DRAM1: variants seen among roughly 807,000 people sequenced by gnomAD.
DRAM1 encodes DNA damage-regulated autophagy modulator protein 1.
DRAM1 carries 25 observed loss-of-function variants against 28.5 expected under a neutral mutation model. That is an observed-to-expected ratio of 0.88 (90% confidence interval 0.64 to 1.23). The LOEUF is 1.23. Ranked by LOEUF, DRAM1 falls within the 50% of genes most tolerant of loss-of-function variation. DRAM1 has a pLI of 0.00. For missense variants in DRAM1, 249 were observed against 299.2 expected (o/e 0.83, Z 1.24); for synonymous variants, 113 against 114.2 (o/e 0.99, Z 0.07).
chr12:101,915,546 C>CTT lies in DRAM1; in HGVS notation c.579+1326_579+1327dup, dbSNP rs58938266. On this transcript the variant is annotated intron_variant, in intron 5 of 6. Transcript: ENST00000258534. ...GGTGACCAGAGTAAGACTTTGAAGA[C>CTT]TTTTTTTTTTTTTGAGACGGAGTTT... Among the ~76,000 whole-genome samples, 955 of 144,888 alleles carry CTT rather than the reference C, an allele frequency of 6.6e-3. 9 individuals are homozygous for CTT. The highest frequency in any genetic ancestry group is 0.024 in the East Asian group (118 of 4,944).
intron 1 of DRAM1, among the ~76,000 whole-genome samples, chr12:101,881,352 T>G (rs1414544211): frequency 1.2e-5 from 1 of 82,114 alleles, no homozygotes; most frequent in African/African-American, 9.7e-5. Context: ...ATATTCAACC[T>G]TATCCCTTTT....
chr12:101,920,292 ACTTT>A (rs1874429802), intron 6 of DRAM1, 91 bp downstream of exon 6: 1 of 327,286 alleles, frequency 3.1e-6, no homozygotes, highest in Non-Finnish European at 4.3e-6. Flanking sequence ...TAAAAAGAGC[ACTTT>A]CTTTTTTTTT....
In DRAM1 at chr12:101,914,164, C is replaced by T. The variant is rs1218271962; in HGVS notation, c.521-10C>T. ...GTGCTGTAGTTTCCTTAACTGTTTACTTCTTTCAGTGATTGTCTGTGCTTC... is the reference window on the plus strand; with the variant it reads ...GTGCTGTAGTTTCCTTAACTGTTTATTTCTTTCAGTGATTGTCTGTGCTTC... On this transcript the variant is annotated splice_polypyrimidine_tract_variant and intron_variant, in intron 4 of 6. Coordinates refer to ENST00000258534, the MANE Select transcript of DRAM1 (RefSeq NM_018370.3). 1 of 1,598,862 alleles carries T rather than the reference C, an allele frequency of 6.3e-7. No individual in the cohort carries two copies. Among genetic ancestry groups the T allele is most frequent in the Non-Finnish European group, 8.5e-7 (1 of 1,172,818 alleles).
rs898075428 is a variant in DRAM1 at position 101,895,467 on chromosome 12, T to C, written c.132-2396T>C. Among the ~76,000 whole-genome samples, 10 of 151,106 alleles carry C rather than the reference T, an allele frequency of 6.6e-5. No individual in the cohort carries two copies. In the Admixed American group the frequency reaches 6.6e-4, roughly 10 times the overall value. On this transcript the variant is annotated intron_variant, in intron 1 of 6. Coordinates refer to ENST00000258534, the MANE Select transcript of DRAM1 (RefSeq NM_018370.3). ...TCCTGGAATTACAGGCATGAGCCAC[T>C]ATACCCAGCCTAAATCCTAAACCCT...
intron 1 of DRAM1, among the ~76,000 whole-genome samples, chr12:101,890,942 G>C (rs957137988): frequency 7.9e-5 from 12 of 151,868 alleles, no homozygotes; most frequent in Admixed American, 2.0e-4. Context: ...ATAGAGACGG[G>C]GTTTCACCAT....
At chr12:101,890,445 A>G (rs1200004056) in intron 1 of DRAM1, among the ~76,000 whole-genome samples, 2 of 23,304 alleles carry the variant, frequency 8.6e-5, no homozygotes, top group African/African-American at 8.5e-4. Flanking sequence ...ATTCCCCTCA[A>G]ATAACTTTCC....
chr12:101,908,463 G>A (rs1420300603), intron 4 of DRAM1, 100 bp downstream of exon 4: 1 of 1,233,114 alleles, frequency 8.1e-7, no homozygotes, highest in Non-Finnish European at 1.1e-6. Flanking sequence ...GCTGCAATGA[G>A]TTCTGACAGC....
chr12:101,921,157 T>A (rs1874466644), intron 6 of DRAM1, 59 bp from the exon 7 acceptor site: 2 of 1,231,760 alleles, frequency 1.6e-6, no homozygotes, highest in East Asian at 4.6e-5. Context: ...GAAATGTCAT[T>A]GTCAACGCTG....
rs78402038 is a variant in DRAM1, at chr12:101,882,107, A to ATTTTTT, written c.131+4211_131+4216dup. Reference sequence around the variant, plus strand: ...ATTGTTCAGTCATTCTGATGGTCTAATTTTTTTTTTTTTTTTTTTTTTTTT... The same window carrying ATTTTTT: ...ATTGTTCAGTCATTCTGATGGTCTAATTTTTTTTTTTTTTTTTTTTTTTTTTTTTTT... On this transcript the variant is annotated intron_variant, in intron 1 of 6. Coordinates refer to ENST00000258534, the MANE Select transcript of DRAM1 (RefSeq NM_018370.3). 8.8e-4 allele frequency among the ~76,000 whole-genome samples: 114 copies of ATTTTTT among 129,554 alleles called. 1 individual carries two copies. Among genetic ancestry groups the ATTTTTT allele is most frequent in the African/African-American group, 2.9e-3 (105 of 36,688 alleles). The allele number at this position is 129,554 out of a possible 152,430, so 85.0% of individuals were successfully genotyped here.
Position 101,920,111 on chromosome 12 carries a change from TTATG to T in DRAM1, c.586_589del (p.Val196IlefsTer3). On this transcript the variant is annotated frameshift_variant, in exon 6 of 7. Coordinates refer to ENST00000258534, the MANE Select transcript of DRAM1 (RefSeq NM_018370.3). LOFTEE classifies it high-confidence loss of function. ...CTGTTTCTTTATTATTGCATTAGGA[TTATG>T]TATATCACGTAGTGAGTGCGATCTG... 6.3e-7 allele frequency: 1 copy of T among 1,596,026 alleles called. No individual in the cohort carries two copies. The highest frequency in any genetic ancestry group is 8.5e-7 in the Non-Finnish European group (1 of 1,171,156).
intron 5 of DRAM1, among the ~76,000 whole-genome samples, chr12:101,916,364 C>T (rs537923932): frequency 2.0e-5 from 3 of 152,240 alleles, no homozygotes; most frequent in South Asian, 4.1e-4. Flanking sequence ...ATTAGCCAGA[C>T]GTTGTGGCAT....
chr12:101,914,313 C>T, intron 5 of DRAM1, 81 bp downstream of exon 5: 1 of 1,044,952 alleles, frequency 9.6e-7, no homozygotes, highest in Non-Finnish European at 1.4e-6. Flanking sequence ...GGGAAGATCA[C>T]TGCCGTTCCT....
At chr12:101,895,189 T>TTTTTTTTTTTTGTTTTTTTTG (rs1873306393) in intron 1 of DRAM1, among the ~76,000 whole-genome samples, 2 of 46,414 alleles carry the variant, frequency 4.3e-5, no homozygotes, top group Non-Finnish European at 8.5e-5. Context: ...CCTTCAGGTT[T>TTTTTTTTTTTTGTTTTTTTTG]TTTTTTTTTT....
At chr12:101,915,206 C>G (rs957375572) in intron 5 of DRAM1, among the ~76,000 whole-genome samples, 2 of 151,322 alleles carry the variant, frequency 1.3e-5, no homozygotes, top group Non-Finnish European at 2.9e-5. Context: ...GTCTCGATCT[C>G]CTGACCTCGT....
At chr12:101,904,866 C>T (rs1365894906) in intron 3 of DRAM1, among the ~76,000 whole-genome samples, 2 of 152,048 alleles carry the variant, frequency 1.3e-5, no homozygotes, top group African/African-American at 4.8e-5. Flanking sequence ...ATCGAAAATT[C>T]ATGTCTGATC....
chr12:101,885,021 G>A (rs867457729), intron 1 of DRAM1, among the ~76,000 whole-genome samples: 2 of 149,002 alleles, frequency 1.3e-5, no homozygotes, highest in Admixed American at 6.8e-5. Flanking sequence ...GCAACCTCCT[G>A]CCACCTGGTT....
intron 1 of DRAM1, among the ~76,000 whole-genome samples, chr12:101,884,865 CAA>C (rs901290282): frequency 1.3e-5 from 2 of 151,252 alleles, no homozygotes; most frequent in Admixed American, 6.6e-5. Context: ...ATTTATGTAA[CAA>C]TCACAAATTT....
At chr12:101,920,027 T>C in intron 5 of DRAM1, 82 bp from the exon 6 acceptor site, 4 of 1,013,918 alleles carry the variant, frequency 3.9e-6, no homozygotes, top group South Asian at 2.0e-5. Context: ...TTTCCTTTGG[T>C]TGAAACTCCT....
chr12:101,884,337 T>C, intron 1 of DRAM1, among the ~76,000 whole-genome samples: 1 of 118,254 alleles, frequency 8.5e-6, no homozygotes, highest in Admixed American at 1.2e-4. Context: ...CAGTGATCAC[T>C]CCAGCTTGGG....
Sources: gnomAD v4.1 joint callset for allele counts (sites outside exome capture counted in the v4.1 genomes callset) on GRCh38, gnomAD v4.1.1 for gene constraint, MANE v1.5 for transcripts, NCBI Gene and HGNC (gene_info 2026-07-23, HGNC 2026-07-21) for gene names.